Variants in FGF14 observed in about 807,000 individuals in gnomAD.
FGF14 encodes the protein fibroblast growth factor homologous factor 4.
Under a neutral mutation model 25.5 loss-of-function variants are expected in FGF14, and 5 were observed. That is an observed-to-expected ratio of 0.20 (90% confidence interval 0.10 to 0.41). The LOEUF (loss-of-function observed/expected upper bound fraction) is 0.41, where lower values mean the gene tolerates loss of function less well. Among genes scored for constraint, FGF14 ranks in the 10% least tolerant of loss-of-function variants. The pLI, the probability that FGF14 is intolerant of heterozygous loss-of-function variation, is 1.00. For missense variants in FGF14, 222 were observed against 320.1 expected (o/e 0.69, Z 2.34); for synonymous variants, 138 against 118.3 (o/e 1.17, Z -1.08).
chr13:102,019,444 T>C (rs1165698117), intron 1 of FGF14, among the ~76,000 whole-genome samples: 1 of 152,134 alleles, frequency 6.6e-6, no homozygotes, highest in Non-Finnish European at 1.5e-5. Flanking sequence ...GTGCTAGCCT[T>C]GTGCCTGACT....
chr13:102,189,756 C>A (rs1216758129), intron 1 of FGF14, among the ~76,000 whole-genome samples: 2 of 152,120 alleles, frequency 1.3e-5, no homozygotes, highest in Non-Finnish European at 2.9e-5. Flanking sequence ...AAGCATGGCA[C>A]CAGCATCTGC....
chr13:101,738,960 A>G (rs76891146), intron 3 of FGF14, among the ~76,000 whole-genome samples: 330 of 75,164 alleles, frequency 4.4e-3, no homozygotes, highest in Admixed American at 0.011. Context: ...GTGTGTGTAT[A>G]TATATATATA....
rs1359167340 is a variant in FGF14, at chr13:102,400,964, C to T, written c.208+507G>A. On this transcript the variant is annotated intron_variant, in intron 1 of 4. Coordinates refer to the FGF14 transcript ENST00000376131. This position sits in a 1 kb window ranked among gnomAD's most constrained non-coding sequence, Gnocchi z 4.3. Reference sequence around the variant, plus strand: ...AGGGACGCGGGGGCTGACGGAGGAGCGGGGCCGCGAGGGAGGGGGCCTCTT... The same window carrying T: ...AGGGACGCGGGGGCTGACGGAGGAGTGGGGCCGCGAGGGAGGGGGCCTCTT... Among the ~76,000 whole-genome samples, 3 of 151,346 alleles carry T rather than the reference C, an allele frequency of 2.0e-5. No homozygotes were observed. Among genetic ancestry groups the T allele is most frequent in the Non-Finnish European group, 4.4e-5 (3 of 67,794 alleles).
intron 3 of FGF14, among the ~76,000 whole-genome samples, chr13:101,788,000 T>TAG (rs2039951871): frequency 6.6e-6 from 1 of 152,108 alleles, no homozygotes; most frequent in Admixed American, 6.6e-5. Context: ...GCCTCCCGAG[T>TAG]AGCTGGGATT....
intron 1 of FGF14, among the ~76,000 whole-genome samples, chr13:102,361,410 A>G (rs927202464): frequency 6.6e-6 from 1 of 152,158 alleles, no homozygotes; most frequent in Non-Finnish European, 1.5e-5. Context: ...TCAGGTGCCA[A>G]AATGTCTTAG....
chr13:101,925,498 CG>C (rs147066718), intron 1 of FGF14, among the ~76,000 whole-genome samples: 1,722 of 152,274 alleles, frequency 0.011, 39 homozygotes, highest in African/African-American at 0.039. Context: ...AGTTAAATAC[CG>C]GAAGCCTTCA....
At chr13:101,902,848 T>A (rs111776238) in intron 1 of FGF14, among the ~76,000 whole-genome samples, 18 of 152,324 alleles carry the variant, frequency 1.2e-4, no homozygotes, top group African/African-American at 4.1e-4. Flanking sequence ...AGGAGGCACT[T>A]TTAATAAAAA....
At chr13:102,041,929 T>C (rs2140001740) in intron 1 of FGF14, among the ~76,000 whole-genome samples, 1 of 152,272 alleles carries the variant, frequency 6.6e-6, no homozygotes, top group East Asian at 1.9e-4. Context: ...GTCTCCTAAG[T>C]TCCATTGCTT....
chr13:102,264,897 G>A (rs1278995436), intron 1 of FGF14, among the ~76,000 whole-genome samples: 1 of 152,096 alleles, frequency 6.6e-6, no homozygotes, highest in Non-Finnish European at 1.5e-5. Context: ...GTCAAGGTCA[G>A]TCTCCCAGGG....
At chr13:101,920,062 C>T (rs181691304), upstream of FGF14, among the ~76,000 whole-genome samples, 33 of 152,212 alleles carry the variant, frequency 2.2e-4, no homozygotes, top group Non-Finnish European at 1.9e-4. Context: ...TTTACCTCCC[C>T]AAAACGCTGT....
chr13:101,746,706 T>C (rs377569122), intron 3 of FGF14, among the ~76,000 whole-genome samples: 10 of 152,166 alleles, frequency 6.6e-5, no homozygotes, highest in African/African-American at 1.4e-4. Context: ...ACTTTATCAA[T>C]GCCAGGAGTG....
intron 1 of FGF14, among the ~76,000 whole-genome samples, chr13:102,242,150 A>G (rs939285443): frequency 2.0e-5 from 3 of 152,104 alleles, no homozygotes; most frequent in African/African-American, 7.2e-5. Context: ...ATATTTGTAA[A>G]CTGTATGAAT....
chr13:102,182,307 G>A (rs1360573249), intron 1 of FGF14, among the ~76,000 whole-genome samples: 2 of 152,122 alleles, frequency 1.3e-5, no homozygotes, highest in African/African-American at 4.8e-5. Flanking sequence ...AACTGGCAAG[G>A]CAAGACAGCA....
At chr13:101,770,123 A>T (rs941044426) in intron 3 of FGF14, among the ~76,000 whole-genome samples, 1 of 120,314 alleles carries the variant, frequency 8.3e-6, no homozygotes. Flanking sequence ...GTGCTGTAAA[A>T]ACATAAAAGT....
rs553528723 is a variant in FGF14 at position 102,278,497 on chromosome 13, A to G, written c.208+122974T>C. ...GAGGTAGATGAAACAGGGGTGATTG[A>G]ACATAGGTTCAAAATGCATCATTCC... On this transcript the variant is annotated intron_variant, in intron 1 of 4. Transcript: ENST00000376131. 7.9e-5 allele frequency among the ~76,000 whole-genome samples: 12 copies of G among 152,304 alleles called. No homozygotes were observed. The South Asian group carries it at 1.7e-3, about 21-fold the overall frequency.
chr13:102,173,161 G>T (rs1281939926), intron 1 of FGF14, among the ~76,000 whole-genome samples: 1 of 151,944 alleles, frequency 6.6e-6, no homozygotes, highest in Admixed American at 6.6e-5. Context: ...ATAATAAACT[G>T]ACTTAAAAAT....
intron 1 of FGF14, among the ~76,000 whole-genome samples, chr13:102,268,560 A>G (rs937500211): frequency 3.9e-5 from 6 of 152,106 alleles, no homozygotes; most frequent in African/African-American, 1.2e-4. Context: ...GAAAATCTCA[A>G]TAGAGTTTCT....
At chr13:101,850,173 C>A (rs572368321) in intron 3 of FGF14, among the ~76,000 whole-genome samples, 15 of 149,682 alleles carry the variant, frequency 1.0e-4, no homozygotes, top group Non-Finnish European at 1.9e-4. Context: ...CTGGCTCACA[C>A]CTATAATCCC....
At chr13:102,116,118 C>T (rs684480) in intron 1 of FGF14, among the ~76,000 whole-genome samples, 79,105 of 150,770 alleles carry the variant, frequency 0.52, 21,714 homozygotes, top group East Asian at 0.75. Flanking sequence ...CTCAAATAAA[C>T]AAACAAACAA....
Sources: gnomAD v4.1 joint callset for allele counts (sites outside exome capture counted in the v4.1 genomes callset) on GRCh38, gnomAD v4.1.1 for gene constraint, Gnocchi (gnomAD v3.1) non-coding constraint, MANE v1.5 for transcripts, NCBI Gene and HGNC (gene_info 2026-07-23, HGNC 2026-07-21) for gene names.